Variants in GPHN observed in about 807,000 individuals in gnomAD.
GPHN encodes the protein gephyrin.
In GPHN, 17 loss-of-function variants were observed where a neutral mutation model predicts 95.5. That is an observed-to-expected ratio of 0.18 (90% CI 0.12 to 0.27). GPHN has a LOEUF of 0.27. Among genes scored for constraint, GPHN ranks in the 10% least tolerant of loss-of-function variants. The pLI is 1.00. For synonymous variants in GPHN, 320 were observed against 322.5 expected (o/e 0.99, Z 0.08); for missense variants, 660 against 978.1 (o/e 0.67, Z 4.34).
At chr14:66,609,038 T>C (rs1413036787) in intron 1 of GPHN, among the ~76,000 whole-genome samples, 1 of 152,128 alleles carries the variant, frequency 6.6e-6, no homozygotes, top group Non-Finnish European at 1.5e-5. Context: ...TTTTAGCTGG[T>C]TGTTTTGTAG....
chr14:66,846,601 T>C (rs1296148634), intron 4 of GPHN, among the ~76,000 whole-genome samples: 1 of 152,076 alleles, frequency 6.6e-6, no homozygotes, highest in Non-Finnish European at 1.5e-5. Flanking sequence ...GTAATAAGAA[T>C]GATAAAGTCT....
chr14:67,089,192 T>G, intron 12 of GPHN, 117 bp downstream of exon 12: 1 of 598,226 alleles, frequency 1.7e-6, no homozygotes, highest in Non-Finnish European at 3.0e-6. Context: ...ACCCAGCAAC[T>G]GTTAGGTTTG....
At position 66,730,223 on chromosome 14, in the gene GPHN, C is replaced by T. The variant is rs368674365; in HGVS notation, c.144-46241C>T. Among the ~76,000 whole-genome samples the T allele has an allele frequency of 4.6e-5, 7 of 152,112 alleles. No homozygotes were observed. The East Asian group carries it at 9.6e-4, about 21-fold the overall frequency. ...CAGGGTTGTGCTTAAACGTGGTTTC[C>T]GTGGACTCAGTGTCCTTAGAGTCTG... On this transcript the variant is annotated intron_variant, in intron 2 of 22. Coordinates refer to ENST00000478722, the MANE Select transcript of GPHN (RefSeq NM_020806.5).
chr14:66,960,247 CAG>C (rs1210879204), intron 8 of GPHN, among the ~76,000 whole-genome samples: 1 of 150,616 alleles, frequency 6.6e-6, no homozygotes, highest in Non-Finnish European at 1.5e-5. Context: ...TGAGCTTTCT[CAG>C]AGACAGTTTC....
the GPHN span, among the ~76,000 whole-genome samples, chr14:67,298,764 C>T: frequency 6.6e-6 from 1 of 152,128 alleles, no homozygotes; most frequent in East Asian, 1.9e-4. Context: ...CAACTGCTAT[C>T]AAGTTGTAGA....
chr14:66,546,591 G>A (rs2059609126), intron 1 of GPHN, among the ~76,000 whole-genome samples: 1 of 152,128 alleles, frequency 6.6e-6, no homozygotes, highest in Admixed American at 6.5e-5. Flanking sequence ...CCAACACAGC[G>A]AAACCCCGTC....
chr14:67,053,697 T>G (rs998927296), intron 10 of GPHN, among the ~76,000 whole-genome samples: 4 of 152,146 alleles, frequency 2.6e-5, no homozygotes, highest in Non-Finnish European at 4.4e-5. Flanking sequence ...TGATGATCAT[T>G]GATGCAAAAA....
intron 2 of GPHN, among the ~76,000 whole-genome samples, chr14:66,688,576 C>G (rs1483293031): frequency 2.6e-5 from 4 of 152,166 alleles, no homozygotes; most frequent in Non-Finnish European, 4.4e-5. Flanking sequence ...ACTTGTTCAT[C>G]AGTTCTAAGA....
chr14:67,623,534 C>CTTTT, the GPHN span, among the ~76,000 whole-genome samples: 889 of 82,944 alleles, frequency 0.011, 118 homozygotes, highest in African/African-American at 0.039. Flanking sequence ...CTCAGGTAAC[C>CTTTT]TTTTTTTTTT....
chr14:67,364,539 A>T, the GPHN span: 1 of 429,946 alleles, frequency 2.3e-6, no homozygotes, highest in Non-Finnish European at 4.1e-6. Flanking sequence ...AAAGGCAGAG[A>T]ATCACCCAAG....
At chr14:66,611,132 T>C (rs2062761079) in intron 1 of GPHN, among the ~76,000 whole-genome samples, 1 of 152,172 alleles carries the variant, frequency 6.6e-6, no homozygotes, top group Non-Finnish European at 1.5e-5. Flanking sequence ...TAACCTTGCA[T>C]AGAAATTTTT....
At chr14:66,664,989 CAAAAA>C (rs937401198) in intron 1 of GPHN, among the ~76,000 whole-genome samples, 40 of 54,898 alleles carry the variant, frequency 7.3e-4, no homozygotes, top group African/African-American at 2.0e-3. Context: ...GCCTACCAAC[CAAAAA>C]AAAAAAAAAA....
chr14:67,659,060 T>G, the GPHN span, among the ~76,000 whole-genome samples: 1 of 152,242 alleles, frequency 6.6e-6, no homozygotes, highest in Non-Finnish European at 1.5e-5. Context: ...TTCAGACGTT[T>G]TATTCCTTTA....
At chr14:66,988,853 G>T (rs2153602313) in intron 9 of GPHN, among the ~76,000 whole-genome samples, 1 of 151,946 alleles carries the variant, frequency 6.6e-6, no homozygotes, top group South Asian at 2.1e-4. Context: ...TTCATTTCTG[G>T]GGTTTCCAAG....
the GPHN span, among the ~76,000 whole-genome samples, chr14:67,732,936 T>A: frequency 6.6e-6 from 1 of 152,076 alleles, no homozygotes; most frequent in African/African-American, 2.4e-5. Flanking sequence ...TTTACAGGAC[T>A]TTTATAATTA....
At chr14:67,409,182 G>T in the GPHN span, among the ~76,000 whole-genome samples, 6 of 152,150 alleles carry the variant, frequency 3.9e-5, no homozygotes, top group African/African-American at 1.2e-4. Flanking sequence ...GGTCAAGGCT[G>T]CAGTGAGCCT....
chr14:67,572,331 C>G, the GPHN span: 1 of 1,392,838 alleles, frequency 7.2e-7, no homozygotes, highest in Non-Finnish European at 9.5e-7. Context: ...GCAGAGGCTG[C>G]TGGGGCCCTC....
chr14:66,673,359 C>T (rs542593521), intron 1 of GPHN, among the ~76,000 whole-genome samples: 2 of 151,800 alleles, frequency 1.3e-5, no homozygotes, highest in South Asian at 4.2e-4. Context: ...CCCAAAGTGC[C>T]GGAAATACAG....
At chr14:67,200,084 CT>C in the GPHN span, 1 of 996,874 alleles carries the variant, frequency 1.0e-6, no homozygotes, top group Non-Finnish European at 1.5e-6. Flanking sequence ...CCTGGAATGC[CT>C]TATCCTGGAC....
Sources: allele counts gnomAD v4.1 joint callset (sites outside exome capture counted in the v4.1 genomes callset), GRCh38; gene constraint gnomAD v4.1.1; transcripts MANE v1.5; gene names NCBI Gene and HGNC (gene_info 2026-07-23, HGNC 2026-07-21).